Variants in CSMD1 observed in about 807,000 individuals in gnomAD.
CSMD1 encodes CUB and Sushi multiple domains 1, also known as CUB and sushi domain-containing protein 1.
A neutral mutation model predicts 417.5 loss-of-function variants in CSMD1; 213 were observed. That is an observed-to-expected ratio of 0.51 (90% CI 0.46 to 0.57). CSMD1 has a LOEUF of 0.57. Ranked by LOEUF, CSMD1 falls within the 20% of genes least tolerant of loss-of-function variation. The pLI is 0.00. For missense variants in CSMD1, 6,923 were observed against 4,529.7 expected (o/e 1.53, Z -15.17); for synonymous variants, 2,862 against 1,736.8 (o/e 1.65, Z -16.11).
chr8:4,144,392 T>C (rs1303957778), intron 3 of CSMD1, among the ~76,000 whole-genome samples: 1 of 151,216 alleles, frequency 6.6e-6, no homozygotes, highest in African/African-American at 2.5e-5. Flanking sequence ...ACTTAATTTA[T>C]CTTTTCTGTT....
chr8:2,971,857 C>T (rs1012106163), intron 57 of CSMD1, among the ~76,000 whole-genome samples: 9 of 152,100 alleles, frequency 5.9e-5, no homozygotes, highest in Non-Finnish European at 1.2e-4. Flanking sequence ...TGACCTAAGA[C>T]AACTTTTTTA....
Position 3,310,609 on chromosome 8 carries a change from G to A in CSMD1, c.3632-2106C>T, listed in dbSNP as rs148271513. Among the ~76,000 whole-genome samples, 154 of 152,260 alleles carry A rather than the reference G, an allele frequency of 1.0e-3. 1 individual carries two copies. The East Asian group carries it at 0.021, about 20-fold the overall frequency. The stretch of plus-strand genomic sequence containing the variant: ...AAATAACCATTAGGCACACAAAATC[G>A]GGGTGTAAAAAACTTTTGAGTTCAG... On this transcript the variant is annotated intron_variant, in intron 23 of 69. Coordinates refer to ENST00000635120, the MANE Select transcript of CSMD1 (RefSeq NM_033225.6).
chr8:4,359,626 T>C (rs1801636044), intron 3 of CSMD1, among the ~76,000 whole-genome samples: 1 of 152,174 alleles, frequency 6.6e-6, no homozygotes, highest in Non-Finnish European at 1.5e-5. Flanking sequence ...AATGAACCTG[T>C]GTTTGAGTCA....
chr8:3,924,644 T>C (rs1809512948), intron 5 of CSMD1, among the ~76,000 whole-genome samples: 2 of 152,316 alleles, frequency 1.3e-5, no homozygotes, highest in East Asian at 1.9e-4. Flanking sequence ...GAGTCTGCTG[T>C]TTAAACACTT....
intron 3 of CSMD1, among the ~76,000 whole-genome samples, chr8:4,177,151 C>A (rs1563227899): frequency 6.6e-6 from 1 of 152,102 alleles, no homozygotes; most frequent in African/African-American, 2.4e-5. Flanking sequence ...CACACCACAC[C>A]TATTCCAAAA....
At chr8:3,045,967 T>C (rs1304323469) in intron 50 of CSMD1, among the ~76,000 whole-genome samples, 1 of 152,166 alleles carries the variant, frequency 6.6e-6, no homozygotes, top group Non-Finnish European at 1.5e-5. Context: ...ACCAATATGG[T>C]GTGTAGCCCT....
At chr8:4,317,382 T>C (rs1490826786) in intron 3 of CSMD1, among the ~76,000 whole-genome samples, 3 of 152,212 alleles carry the variant, frequency 2.0e-5, no homozygotes, top group South Asian at 4.1e-4. Context: ...TCTTTCATTC[T>C]ACCCTGCTGT....
intron 26 of CSMD1, among the ~76,000 whole-genome samples, chr8:3,264,779 C>T (rs1801313777): frequency 6.6e-6 from 1 of 152,072 alleles, no homozygotes; most frequent in Non-Finnish European, 1.5e-5. Flanking sequence ...AAAGATGAGG[C>T]TAAACCCAGG....
chr8:3,521,990 T>C (rs1016066906), intron 10 of CSMD1, among the ~76,000 whole-genome samples: 1 of 152,222 alleles, frequency 6.6e-6, no homozygotes, highest in African/African-American at 2.4e-5. Context: ...TTCCACACAG[T>C]GTAAACAAGT....
chr8:4,921,968 T>A (rs1288250566), intron 1 of CSMD1, among the ~76,000 whole-genome samples: 1 of 152,174 alleles, frequency 6.6e-6, no homozygotes, highest in Non-Finnish European at 1.5e-5. Flanking sequence ...CCCTCTTCAC[T>A]CAGCCAAATT....
chr8:4,341,659 C>T (rs1285793047), intron 3 of CSMD1, among the ~76,000 whole-genome samples: 1 of 152,116 alleles, frequency 6.6e-6, no homozygotes, highest in African/African-American at 2.4e-5. Flanking sequence ...GTTCTAAAAG[C>T]ATCTTTCAGC....
chr8:4,026,872 AT>A (rs560485673), intron 4 of CSMD1, among the ~76,000 whole-genome samples: 89 of 152,340 alleles, frequency 5.8e-4, no homozygotes, highest in African/African-American at 2.1e-3. Context: ...AAAGTTTGGA[AT>A]TTGGCAAGGT....
chr8:2,942,127 G>GAGAAC (rs1293627548), intron 69 of CSMD1, among the ~76,000 whole-genome samples: 1 of 152,032 alleles, frequency 6.6e-6, no homozygotes, highest in Non-Finnish European at 1.5e-5. Context: ...GCTGAACGAT[G>GAGAAC]AGAACACATG....
chr8:4,115,803 C>T (rs1802103615), intron 3 of CSMD1, among the ~76,000 whole-genome samples: 1 of 151,438 alleles, frequency 6.6e-6, no homozygotes, highest in Non-Finnish European at 1.5e-5. Flanking sequence ...GAATGTAAAT[C>T]ATATTTCTCA....
At chr8:4,277,361 G>C (rs755559402) in intron 3 of CSMD1, among the ~76,000 whole-genome samples, 2 of 152,058 alleles carry the variant, frequency 1.3e-5, no homozygotes, top group African/African-American at 2.4e-5. Flanking sequence ...CCTCTTTCGT[G>C]CCTCATCTCT....
chr8:4,755,021 C>G (rs1050319872), intron 1 of CSMD1, among the ~76,000 whole-genome samples: 2 of 152,014 alleles, frequency 1.3e-5, no homozygotes, highest in Non-Finnish European at 2.9e-5. Context: ...GCCTGTGATC[C>G]CAGCTACTTG....
intron 37 of CSMD1, among the ~76,000 whole-genome samples, chr8:3,169,392 C>T (rs184950872): frequency 1.3e-5 from 2 of 152,114 alleles, no homozygotes; most frequent in Admixed American, 1.3e-4. Flanking sequence ...CTACATTCTG[C>T]TGCTAAGTGA....
chr8:4,975,047 C>A (rs1038605011), intron 1 of CSMD1, among the ~76,000 whole-genome samples: 6 of 152,112 alleles, frequency 3.9e-5, no homozygotes, highest in Non-Finnish European at 8.8e-5. Flanking sequence ...ATACAGCAGG[C>A]TGGGGAAAGA....
chr8:3,819,003 T>C (rs1383098037), intron 5 of CSMD1, among the ~76,000 whole-genome samples: 2 of 152,196 alleles, frequency 1.3e-5, no homozygotes, highest in Non-Finnish European at 2.9e-5. Flanking sequence ...ACATCAATGA[T>C]TTATCACTCT....
Sources: gnomAD v4.1 joint callset for allele counts (sites outside exome capture counted in the v4.1 genomes callset) on GRCh38, gnomAD v4.1.1 for gene constraint, MANE v1.5 for transcripts, NCBI Gene and HGNC (gene_info 2026-07-23, HGNC 2026-07-21) for gene names.